The following TTN variants were observed in gnomAD, a reference collection of about 807,000 sequenced individuals.
The protein encoded by TTN is titin, also known as connectin.
Under a neutral mutation model 3,223.0 loss-of-function variants are expected in TTN, and 1,525 were observed. That is an observed-to-expected ratio of 0.47 (90% confidence interval 0.45 to 0.49). The LOEUF is 0.49. Ranked by LOEUF, TTN falls within the 20% of genes least tolerant of loss-of-function variation. The pLI is 0.00. For missense variants in TTN, 40,786 were observed against 43,424.0 expected, an observed-to-expected ratio of 0.94 and a Z score of 5.40; for synonymous variants, 14,094 against 15,161.0, an observed-to-expected ratio of 0.93 and a Z score of 5.17.
At chr2:178,598,387 A>G in intron 292 of TTN, 119 bp downstream of exon 292, 2 of 1,224,106 alleles carry the variant, frequency 1.6e-6, no homozygotes, top group Middle Eastern at 2.4e-4. Context: ...AGTTAAAATT[A>G]TGCTATTTTC....
At position 178,758,389 on chromosome 2, in the gene TTN, C is replaced by T. The variant is rs561440242; in HGVS notation, c.10304-473G>A. Among the ~76,000 whole-genome samples, 7 of 152,256 alleles carry T rather than the reference C, an allele frequency of 4.6e-5. No individual in the cohort carries two copies. The South Asian group carries it at 1.5e-3, about 32-fold the overall frequency. ...AAAATAGTACCACTATATAAAAATG[C>T]TATCCTTGTTTGAATCAAATTCCCC... On this transcript the variant is annotated intron_variant, in intron 44 of 362. Coordinates refer to ENST00000589042, the MANE Select transcript of TTN (RefSeq NM_001267550.2).
Position 178,529,942 on chromosome 2 carries a change from A to G in TTN, c.106531+18T>C. The G allele has an allele frequency of 1.3e-6, 2 of 1,580,978 alleles. No individual in the cohort carries two copies. Among genetic ancestry groups the G allele is most frequent in the Non-Finnish European group, 1.7e-6 (2 of 1,171,718 alleles). ...TTATCTTCTGAAGAAATGTGGGTAA[A>G]AACAAAAGCCAACCTACCTTTTATT... is the stretch of plus-strand genomic sequence containing the variant. On this transcript the variant is annotated intron_variant, in intron 359 of 362. Coordinates refer to ENST00000589042, the MANE Select transcript of TTN (RefSeq NM_001267550.2).
chr2:178,779,813 G>C (rs2092605009), intron 22 of TTN, 187 bp downstream of exon 22: 1 of 616,232 alleles, frequency 1.6e-6, no homozygotes, highest in Admixed American at 3.0e-5. Flanking sequence ...TGGCCTATAT[G>C]TAATCTCTAT....
In TTN at chr2:178,580,028, T is replaced by C. The variant is rs1356121178; in HGVS notation, c.67259A>G (p.Glu22420Gly). Residue 22420 changes from glutamate (E) to glycine (G), a missense_variant, in exon 318 of 363, where the codon GAG (glutamate) becomes GGG (glycine). Coordinates refer to ENST00000589042, the MANE Select transcript of TTN (RefSeq NM_001267550.2). ...CACTCGGAAGAAGTAGGATTTTCCC[T>C]CCTCCAAATTAGCTACTCTGAAGCT... ...KTSFRVANLEEGKSYFFRVFA... is the reference protein window; with the variant it reads ...KTSFRVANLEGGKSYFFRVFA... 1 of 1,613,314 alleles carries C rather than the reference T, an allele frequency of 6.2e-7. No individual in the cohort carries two copies.
At position 178,607,545 on chromosome 2, in the gene TTN, T is replaced by C; in HGVS notation, c.53143A>G (p.Lys17715Glu). 6.2e-7 allele frequency: 1 copy of C among 1,613,242 alleles called. No individual in the cohort carries two copies. Among genetic ancestry groups the C allele is most frequent in the Middle Eastern group, 1.7e-4 (1 of 6,054 alleles). The change falls in exon 277 of 363, where the codon AAA becomes GAA. Residue 17715 changes from lysine to glutamate, a missense_variant. Physicochemically the swap from Lys to Glu is moderately conservative, Grantham distance 56 (BLOSUM62 1). Transcript: ENST00000589042. ...ACGTTGTCTATTACAACACGGTCTT[T>C]ATCCAGCTCCCCTTCTTCTTTGGTC... Reference protein sequence around the residue: ...VWTKEEGELDKDRVVIDNVGT... With the variant: ...VWTKEEGELDEDRVVIDNVGT...
rs190421400 is a variant in TTN, at chr2:178,576,228, C to T, written c.69904G>A (p.Val23302Ile). ...TGTALRITQF[V>I]VPDLQTKEKY... ...TCTTTAGTCTGAAGATCAGGAACAA[C>T]GAACTGAGTGATTCTGAGGGCGGTT... The change falls in exon 326 of 363, where the codon GTT becomes ATT. Residue 23302 changes from valine (V) to isoleucine (I), a missense_variant. By Grantham distance (29) the Val-to-Ile change is conservative. Transcript: ENST00000589042. This position sits in a 1 kb window ranked among gnomAD's most constrained non-coding sequence, Gnocchi z 4.3. 7.8e-5 allele frequency: 125 copies of T among 1,612,842 alleles called. No individual in the cohort carries two copies. In the African/African-American group the frequency reaches 9.3e-4, roughly 12 times the overall value.
At chr2:178,727,480 G>A (rs2079553000) in intron 68 of TTN, 105 bp downstream of exon 68, 8 of 1,499,824 alleles carry the variant, frequency 5.3e-6, no homozygotes, top group African/African-American at 1.4e-5. Flanking sequence ...TGTTTACTAT[G>A]TTAGAAAGAA....
intron 47 of TTN, chr2:178,750,579 G>T (rs397517804): frequency 1.2e-6 from 2 of 1,612,384 alleles, no homozygotes; most frequent in Admixed American, 3.3e-5. Context: ...GGTGGGCAAC[G>T]TTGTGGGCGT....
Position 178,770,126 on chromosome 2 carries a change from A to C in TTN, c.8575T>G (p.Ser2859Ala). The change falls in exon 36 of 363, where the codon TCA becomes GCA. Residue 2859 changes from serine (S) to alanine (A), a missense_variant. Ser to Ala is a moderately conservative substitution (Grantham distance 99). Coordinates refer to ENST00000589042, the MANE Select transcript of TTN (RefSeq NM_001267550.2). ...HKLMLQNISP[S>A]DAGEYTAVVG... The stretch of plus-strand genomic sequence containing the variant: ...ACAGCTGTGTATTCCCCAGCATCTG[A>C]GGGGGAGATGTTCTGCAGCATCAGC... 1.2e-6 allele frequency: 2 copies of C among 1,614,032 alleles called. No homozygotes were observed. Among genetic ancestry groups the C allele is most frequent in the Non-Finnish European group, 1.7e-6 (2 of 1,179,988 alleles).
chr2:178,802,066 T>C (rs1227299064), intron 3 of TTN, 72 bp downstream of exon 3: 2 of 1,590,448 alleles, frequency 1.3e-6, no homozygotes, highest in Non-Finnish European at 1.7e-6. Context: ...TAGCTTTTTC[T>C]GGACTCCTTT....
chr2:178,733,944 A>T (rs943141327), intron 52 of TTN, 52 bp from the exon 53 acceptor site: 3 of 1,489,750 alleles, frequency 2.0e-6, no homozygotes, highest in Non-Finnish European at 2.7e-6. Flanking sequence ...AACACTTTCA[A>T]CACCATCTAT....
intron 294 of TTN, among the ~76,000 whole-genome samples, chr2:178,596,456 TAGTC>T (rs2051645384): frequency 1.3e-5 from 2 of 152,018 alleles, no homozygotes; most frequent in African/African-American, 4.8e-5. Context: ...AAGAGTGGCA[TAGTC>T]AGTTTCTATG....
At chr2:178,785,473 G>T in intron 15 of TTN, 147 bp downstream of exon 15, 1 of 1,196,488 alleles carries the variant, frequency 8.4e-7, no homozygotes, top group Non-Finnish European at 1.2e-6. Flanking sequence ...TCTTTAGGGT[G>T]TCTGGGCCCA....
chr2:178,802,380 G>T (rs781300614), intron 2 of TTN, 39 bp from the exon 3 acceptor site: 1 of 1,587,090 alleles, frequency 6.3e-7, no homozygotes, highest in South Asian at 1.1e-5. Flanking sequence ...GTTTGAATGG[G>T]CACCACAAAG....
Position 178,530,944 on chromosome 2 carries a change from G to A in TTN, c.105671C>T (p.Thr35224Ile). 1 of 1,613,954 alleles carries A rather than the reference G, an allele frequency of 6.2e-7. No individual in the cohort carries two copies. Among genetic ancestry groups the A allele is most frequent in the Non-Finnish European group, 8.5e-7 (1 of 1,179,882 alleles). The change falls in exon 358 of 363, where the codon ACT becomes ATT. Residue 35224 changes from threonine to isoleucine, a missense_variant. Coordinates refer to ENST00000589042, the MANE Select transcript of TTN (RefSeq NM_001267550.2). ...TGGTGGTGATGTCACAGCCTTTTCAGTTACCCTGGCCTTTTGAATAGTCAG... is the reference window on the plus strand; with the variant it reads ...TGGTGGTGATGTCACAGCCTTTTCAATTACCCTGGCCTTTTGAATAGTCAG... ...FTLTIQKARVTEKAVTSPPRV... is the reference protein window; with the variant it reads ...FTLTIQKARVIEKAVTSPPRV...
chr2:178,701,690 A>C, intron 109 of TTN, 103 bp from the exon 110 acceptor site: 1 of 1,122,016 alleles, frequency 8.9e-7, no homozygotes. Flanking sequence ...TGTCAGGCAT[A>C]TCTAATGGCA....
At position 178,722,683 on chromosome 2, in the gene TTN, A is replaced by G. The variant is rs371525576; in HGVS notation, c.22216T>C (p.Ser7406Pro). 2.5e-6 allele frequency: 4 copies of G among 1,612,460 alleles called. No homozygotes were observed. The highest frequency in any genetic ancestry group is 3.4e-6 in the Non-Finnish European group (4 of 1,179,122). Residue 7406 changes from serine to proline, a missense_variant, in exon 76 of 363, where the codon TCT becomes CCT. Coordinates refer to ENST00000589042, the MANE Select transcript of TTN (RefSeq NM_001267550.2). ...CCTTGAATTCTGAACACAGTCTTAG[A>G]AGAAGCAGTTCCTATACTATTTTCT... is the stretch of plus-strand genomic sequence containing the variant. ...KAENSIGTAS[S>P]KTVFRIQERQ...
chr2:178,790,527 G>A (rs759263963), intron 11 of TTN, among the ~76,000 whole-genome samples, 181 bp downstream of exon 11: 1 of 152,204 alleles, frequency 6.6e-6, no homozygotes, highest in Non-Finnish European at 1.5e-5. Context: ...GCCAAAGAAA[G>A]TCTGAAAGTT....
In TTN at chr2:178,689,331, G is replaced by A. The variant is rs1346182594; in HGVS notation, c.31970C>T (p.Pro10657Leu). ...AACTTCTTCCTCCTTCCGAGGAACA[G>A]GTTTCCTTTCTTCAGGAACTTTCTT... ...PKKKVPEERK[P>L]VPRKEEEVPP... Residue 10657 changes from proline (P) to leucine (L), a missense_variant, in exon 124 of 363, where the codon CCT becomes CTT. Coordinates refer to ENST00000589042, the MANE Select transcript of TTN (RefSeq NM_001267550.2). 3.1e-6 allele frequency: 5 copies of A among 1,613,802 alleles called. No homozygotes were observed. Among genetic ancestry groups the A allele is most frequent in the South Asian group, 1.1e-5 (1 of 91,072 alleles).
Sources: gnomAD v4.1 joint callset for allele counts (sites outside exome capture counted in the v4.1 genomes callset) on GRCh38, gnomAD v4.1.1 for gene constraint, Gnocchi (gnomAD v3.1) non-coding constraint, MANE v1.5 for transcripts, NCBI Gene and HGNC (gene_info 2026-07-23, HGNC 2026-07-21) for gene names.